The following TJP3 variants were observed in gnomAD, a reference collection of about 807,000 sequenced individuals.
TJP3 encodes the protein tight junction protein 3, also known as tight junction protein ZO-3.
Under a neutral mutation model 104.2 loss-of-function variants are expected in TJP3, and 85 were observed. That is an observed-to-expected ratio of 0.82 (90% CI 0.68 to 0.98). TJP3 has a LOEUF of 0.98. Among genes scored for constraint, TJP3 ranks in the 50% least tolerant of loss-of-function variants. The pLI is 0.00. For missense variants in TJP3, 1,367 were observed against 1,322.8 expected (o/e 1.03, Z -0.52); for synonymous variants, 550 against 550.6 (o/e 1.00, Z 0.02).
chr19:3,743,888 C>T (rs758951412), intron 14 of TJP3, 51 bp from the exon 15 acceptor site: 14 of 1,566,614 alleles, frequency 8.9e-6, no homozygotes, highest in Non-Finnish European at 1.2e-5. Flanking sequence ...CACTAGCAGT[C>T]TTTGATCGCA....
At chr19:3,738,800 G>A in intron 12 of TJP3, 97 bp from the exon 13 acceptor site, 3 of 1,369,764 alleles carry the variant, frequency 2.2e-6, no homozygotes, top group South Asian at 2.6e-5. Flanking sequence ...CCTACAGGGA[G>A]AGTGCCCCAA....
At chr19:3,724,834 C>T (rs2036581087) in intron 1 of TJP3, among the ~76,000 whole-genome samples, 1 of 152,022 alleles carries the variant, frequency 6.6e-6, no homozygotes, top group African/African-American at 2.4e-5. Flanking sequence ...CCACCGTGCC[C>T]GGCCCTGGGG....
Position 3,730,530 on chromosome 19 carries a change from C to G in TJP3, c.437C>G (p.Ser146Cys), listed in dbSNP as rs376977570. 17 of 1,596,880 alleles carry G rather than the reference C, an allele frequency of 1.1e-5. No homozygotes were observed. The highest frequency in any genetic ancestry group is 1.4e-5 in the Non-Finnish European group (16 of 1,174,382). The change falls in exon 5 of 21, where the codon TCC (serine) becomes TGC (cysteine). Residue 146 changes from serine to cysteine, a missense_variant. By Grantham distance (112) the Ser-to-Cys change is moderately radical. Coordinates refer to ENST00000541714, the MANE Select transcript of TJP3 (RefSeq NM_001267560.2). The surrounding 1 kb of genome is among the most constrained non-coding windows in gnomAD (Gnocchi z 7.3). ...TCCGGCCGCTCCTGGGACGAGCGCTCCCGCCGGCCGAGGCCTGGTCGCCGG... is the reference window on the plus strand; with the variant it reads ...TCCGGCCGCTCCTGGGACGAGCGCTGCCGCCGGCCGAGGCCTGGTCGCCGG... ...SGSGRSWDER[S>C]RRPRPGRRGR...
chr19:3,735,175 T>G, intron 8 of TJP3, among the ~76,000 whole-genome samples: 1 of 152,014 alleles, frequency 6.6e-6, no homozygotes, highest in Admixed American at 6.6e-5. Flanking sequence ...CCAGATAAAT[T>G]AAAATTATTT....
intron 13 of TJP3, among the ~76,000 whole-genome samples, chr19:3,739,956 A>C (rs1276913970): frequency 1.3e-5 from 2 of 152,010 alleles, no homozygotes; most frequent in Non-Finnish European, 2.9e-5. Flanking sequence ...TCTGCAGGCC[A>C]GGCACGGTGG....
chr19:3,745,960 G>C, intron 15 of TJP3, 51 bp from the exon 16 acceptor site: 1 of 1,491,940 alleles, frequency 6.7e-7, no homozygotes, highest in Non-Finnish European at 9.2e-7. Context: ...ATGAATTTGA[G>C]GGGACGGGGG....
At chr19:3,727,338 C>T (rs1338018107) in intron 1 of TJP3, among the ~76,000 whole-genome samples, 1 of 150,996 alleles carries the variant, frequency 6.6e-6, no homozygotes, top group Admixed American at 6.6e-5. Context: ...AAAAAATTAG[C>T]TGGGCATGGT....
intron 12 of TJP3, 105 bp from the exon 13 acceptor site, chr19:3,738,792 T>C: frequency 7.5e-7 from 1 of 1,334,718 alleles, no homozygotes; most frequent in Non-Finnish European, 1.1e-6. Context: ...CCCTGGCCCC[T>C]ACAGGGAGAG....
chr19:3,743,120 C>A (rs2036844584), intron 14 of TJP3, among the ~76,000 whole-genome samples: 1 of 151,852 alleles, frequency 6.6e-6, no homozygotes, highest in South Asian at 2.1e-4. Context: ...AAAAATTAGC[C>A]AGGCATGGTG....
At position 3,746,905 on chromosome 19, in the gene TJP3, A is replaced by C; in HGVS notation, c.2322+29A>C. 199 of 723,056 alleles carry C rather than the reference A, an allele frequency of 2.8e-4. No homozygotes were observed. Among genetic ancestry groups the C allele is most frequent in the Non-Finnish European group, 4.1e-4 (179 of 436,918 alleles). 44.8% of individuals were successfully genotyped at this position (723,056 alleles called of 1,614,324 possible). ...CTGCCGCGGTGTGGGTGGGTCGGGC[A>C]GGGAGGCCCCACAGACGCTGTGCAG... On this transcript the variant is annotated intron_variant, in intron 18 of 20. Coordinates refer to ENST00000541714, the MANE Select transcript of TJP3 (RefSeq NM_001267560.2). The surrounding 1 kb of genome is among the most constrained non-coding windows in gnomAD (Gnocchi z 4.1).
chr19:3,724,576 G>A (rs144874964), intron 1 of TJP3, among the ~76,000 whole-genome samples: 6 of 152,000 alleles, frequency 3.9e-5, no homozygotes, highest in East Asian at 1.9e-4. Context: ...TTGCTCTGTC[G>A]CCCAGGCTGG....
At chr19:3,718,782 C>T (rs2036515539) in intron 1 of TJP3, among the ~76,000 whole-genome samples, 1 of 152,058 alleles carries the variant, frequency 6.6e-6, no homozygotes, top group Non-Finnish European at 1.5e-5. Context: ...CAGACCTAAG[C>T]AGAGACTGCT....
rs2302305 is a variant in TJP3, at chr19:3,735,963, G to A, written c.1127+28G>A. 29 of 1,612,888 alleles carry A rather than the reference G, an allele frequency of 1.8e-5. No homozygotes were observed. The East Asian group carries it at 3.6e-4, about 20-fold the overall frequency. On this transcript the variant is annotated intron_variant, in intron 10 of 20. Transcript: ENST00000541714. ...ATGTACCCCAGAAGAAAGCAAACCCGCTCAAAACTCCTACATCCCAGGCTG... is the reference window on the plus strand; with the variant it reads ...ATGTACCCCAGAAGAAAGCAAACCCACTCAAAACTCCTACATCCCAGGCTG...
intron 11 of TJP3, among the ~76,000 whole-genome samples, chr19:3,737,525 C>T (rs1042312909): frequency 6.6e-6 from 1 of 152,082 alleles, no homozygotes; most frequent in East Asian, 1.9e-4. Context: ...CCTCCAGGAT[C>T]CACAGCCCCT....
In TJP3 at chr19:3,711,041, C is replaced by T. The variant is rs539630059; in HGVS notation, c.-10+2480C>T. Among the ~76,000 whole-genome samples, 473 of 141,988 alleles carry T rather than the reference C, an allele frequency of 3.3e-3. 22 individuals carry two copies. The highest frequency in any genetic ancestry group is 0.015 in the Middle Eastern group (4 of 274). The allele number at this position is 141,988 out of a possible 152,430, so 93.1% of individuals were successfully genotyped here. On this transcript the variant is annotated intron_variant, in intron 1 of 20. Transcript: ENST00000541714. ...GCCTCAGCCTCCCGAGTAGCTGGGACTACAGGCGCCCGCCACCACACCCGG... is the reference window on the plus strand; with the variant it reads ...GCCTCAGCCTCCCGAGTAGCTGGGATTACAGGCGCCCGCCACCACACCCGG...
intron 12 of TJP3, 26 bp from the exon 13 acceptor site, chr19:3,738,871 C>T: frequency 6.5e-7 from 1 of 1,550,356 alleles, no homozygotes; most frequent in Non-Finnish European, 8.8e-7. Context: ...GCCCAGGCAG[C>T]TCATGTGGCC....
chr19:3,730,059 G>A lies in TJP3; in HGVS notation c.190G>A (p.Val64Ile). The A allele has an allele frequency of 6.2e-7, 1 of 1,614,046 alleles. No individual in the cohort carries two copies. Among genetic ancestry groups the A allele is most frequent in the Non-Finnish European group, 8.5e-7 (1 of 1,180,006 alleles). Residue 64 changes from valine (V) to isoleucine (I), a missense_variant, in exon 4 of 21, where the codon GTT becomes ATT. Transcript: ENST00000541714. The surrounding 1 kb of genome is among the most constrained non-coding windows in gnomAD (Gnocchi z 7.3). ...TGDHIVMVNG[V>I]SMENATSAFA... is the part of the protein sequence containing the mutation. ...CGACCACATCGTCATGGTGAACGGGGTTTCCATGGAGAATGCCACCTCCGC... is the reference window on the plus strand; with the variant it reads ...CGACCACATCGTCATGGTGAACGGGATTTCCATGGAGAATGCCACCTCCGC...
intron 1 of TJP3, among the ~76,000 whole-genome samples, chr19:3,716,890 C>T (rs745484089): frequency 1.4e-5 from 2 of 142,782 alleles, no homozygotes; most frequent in Non-Finnish European, 3.1e-5. Flanking sequence ...CCTCTGCCTC[C>T]CAGGTTCAAG....
intron 13 of TJP3, among the ~76,000 whole-genome samples, 196 bp from the exon 14 acceptor site, chr19:3,740,356 C>G (rs1275955457): frequency 6.6e-6 from 1 of 152,096 alleles, no homozygotes; most frequent in Non-Finnish European, 1.5e-5. Context: ...TGTAACGAGT[C>G]CAGCCTGAGT....
Sources: allele counts gnomAD v4.1 joint callset (sites outside exome capture counted in the v4.1 genomes callset), GRCh38; gene constraint gnomAD v4.1.1; non-coding constraint Gnocchi (gnomAD v3.1); transcripts MANE v1.5; gene names NCBI Gene and HGNC (gene_info 2026-07-23, HGNC 2026-07-21).